Variants in WNT5A observed in about 807,000 individuals in gnomAD.
WNT5A encodes protein Wnt-5a.
A neutral mutation model predicts 42.1 loss-of-function variants in WNT5A; 9 were observed. The observed-to-expected ratio is 0.21, with a 90% CI of 0.13 to 0.37. The LOEUF (loss-of-function observed/expected upper bound fraction) is 0.37. Ranked by LOEUF, WNT5A falls within the 10% of genes least tolerant of loss-of-function variation. The pLI, the probability that WNT5A is intolerant of heterozygous loss-of-function variation, is 1.00. For synonymous variants in WNT5A, 210 were observed against 210.0 expected (o/e 1.00, Z 0.00); for missense variants, 426 against 534.0 (o/e 0.80, Z 1.99).
chr3:55,472,815 G>T (rs1229838422), intron 4 of WNT5A, among the ~76,000 whole-genome samples: 10 of 152,212 alleles, frequency 6.6e-5, no homozygotes, highest in Non-Finnish European at 1.5e-4. Flanking sequence ...TGTTTTAGAA[G>T]TTATCATCTA....
At chr3:55,482,119 C>T (rs1463432480) in intron 1 of WNT5A, among the ~76,000 whole-genome samples, 1 of 152,324 alleles carries the variant, frequency 6.6e-6, no homozygotes, top group East Asian at 1.9e-4. Flanking sequence ...GGGGCGAGGC[C>T]AGAGCCCTTG....
chr3:55,475,623 C>A (rs1471846811), intron 3 of WNT5A, among the ~76,000 whole-genome samples: 1 of 152,122 alleles, frequency 6.6e-6, no homozygotes, highest in Admixed American at 6.5e-5. Flanking sequence ...TCTGCAGACA[C>A]CCCCTGCCCA....
upstream of WNT5A, among the ~76,000 whole-genome samples, chr3:55,494,629 C>T (rs1001254562): frequency 6.6e-6 from 1 of 152,180 alleles, no homozygotes; most frequent in Non-Finnish European, 1.5e-5. Flanking sequence ...ACCTCTGCCC[C>T]CCAGGTTCAA....
rs568443423 is a variant in WNT5A at position 55,468,040 on chromosome 3, G to A, written c.*2052C>T. 6.6e-6 allele frequency: 1 copy of A among 151,968 alleles called. No individual in the cohort carries two copies. Among genetic ancestry groups the A allele is most frequent in the Non-Finnish European group, 1.5e-5 (1 of 68,006 alleles). 9.4% of individuals were successfully genotyped at this position (151,968 alleles called of 1,614,324 possible). On this transcript the variant is annotated 3_prime_UTR_variant, in exon 5 of 5. Transcript: ENST00000264634. ...GATATGAAAGCCAACCTGCCTAAGG[G>A]GGGTATGAAAGATGTGTATCTTTCC... is the stretch of plus-strand genomic sequence containing the variant.
At chr3:55,476,602 C>A (rs1330866055) in intron 3 of WNT5A, among the ~76,000 whole-genome samples, 1 of 152,322 alleles carries the variant, frequency 6.6e-6, no homozygotes, top group East Asian at 1.9e-4. Context: ...TTATACAAAA[C>A]ACAAACAATG....
chr3:55,490,421 G>C (rs910487187), upstream of WNT5A: 1 of 152,188 alleles, frequency 6.6e-6, no homozygotes, highest in Non-Finnish European at 1.5e-5. Flanking sequence ...GTGGAATCTG[G>C]AGTTCCAGTC....
At chr3:55,480,421 C>A (rs1252505445) in intron 2 of WNT5A, among the ~76,000 whole-genome samples, 2 of 152,194 alleles carry the variant, frequency 1.3e-5, no homozygotes, top group African/African-American at 2.4e-5. Flanking sequence ...GGCTGAAACT[C>A]ACTTTTACTA....
chr3:55,485,583 C>A lies in WNT5A; in HGVS notation c.6+1397G>T, dbSNP rs547069168. ...CCCGCGGTTCGCTGCGCACTCTCCG[C>A]ATTGCCCCCTCGAAACTCCCCTGGC... On this transcript the variant is annotated intron_variant, in intron 1 of 4. Transcript: ENST00000264634. Among the ~76,000 whole-genome samples, 16 of 152,298 alleles carry A rather than the reference C, an allele frequency of 1.1e-4. No homozygotes were observed. In the East Asian group the frequency reaches 2.3e-3, roughly 22 times the overall value.
Position 55,483,036 on chromosome 3 carries a change from G to A in WNT5A, c.7-2118C>T, listed in dbSNP as rs535409312. Among the ~76,000 whole-genome samples, 1 of 152,342 alleles carries A rather than the reference G, an allele frequency of 6.6e-6. No homozygotes were observed. The highest frequency in any genetic ancestry group is 6.5e-5 in the Admixed American group (1 of 15,310). On this transcript the variant is annotated intron_variant, in intron 1 of 4. Transcript: ENST00000264634. The surrounding 1 kb of genome is among the most constrained non-coding windows in gnomAD (Gnocchi z 4.2). ...TCGCGGCGAGCGGGGCGCGTGGGGC[G>A]GGGCTCAAGCAGCAGAGAAATTGAT...
At chr3:55,495,325 C>T (rs2051704572), upstream of WNT5A, among the ~76,000 whole-genome samples, 1 of 152,172 alleles carries the variant, frequency 6.6e-6, no homozygotes. Context: ...CATCATTTGA[C>T]CAACATCTCC....
chr3:55,473,028 G>T (rs2051281577), intron 4 of WNT5A, among the ~76,000 whole-genome samples: 1 of 151,894 alleles, frequency 6.6e-6, no homozygotes, highest in Non-Finnish European at 1.5e-5. Context: ...GAAAACTGAG[G>T]CTCAGAAAAA....
chr3:55,498,374 C>T, the WNT5A span, among the ~76,000 whole-genome samples: 747 of 152,244 alleles, frequency 4.9e-3, 2 homozygotes, highest in Non-Finnish European at 7.7e-3. Flanking sequence ...AAATGAGCCG[C>T]GGCTCCCGCT....
Position 55,480,938 on chromosome 3 carries a change from G to A in WNT5A, c.7-20C>T. ...GGACTTCTGGAGAGGGAAGAAAGGA[G>A]CAGATGTTTATTGCCTCTCAGATAA... On this transcript the variant is annotated intron_variant, in intron 1 of 4. Transcript: ENST00000264634. 2.0e-6 allele frequency: 3 copies of A among 1,487,136 alleles called. No individual in the cohort carries two copies. Among genetic ancestry groups the A allele is most frequent in the Non-Finnish European group, 2.7e-6 (3 of 1,114,070 alleles). 92.1% of individuals were successfully genotyped at this position (1,487,136 alleles called of 1,614,324 possible).
chr3:55,486,312 G>A (rs1373395349), intron 1 of WNT5A, among the ~76,000 whole-genome samples: 2 of 152,188 alleles, frequency 1.3e-5, no homozygotes, highest in Non-Finnish European at 2.9e-5. Context: ...TCACCCAGTG[G>A]CGGCTAATAA....
chr3:55,480,705 A>G, intron 2 of WNT5A, 80 bp downstream of exon 2: 2 of 1,411,362 alleles, frequency 1.4e-6, no homozygotes, highest in South Asian at 3.3e-5. Context: ...ACTATCCAGC[A>G]TTAAATATTG....
At position 55,480,906 on chromosome 3, in the gene WNT5A, T is replaced by G. The variant is rs183555808; in HGVS notation, c.19A>C (p.Ile7Leu). The G allele has an allele frequency of 6.4e-7, 1 of 1,562,580 alleles. No individual in the cohort carries two copies. Among genetic ancestry groups the G allele is most frequent in the African/African-American group, 1.4e-5 (1 of 73,062 alleles). MKKSIG[I>L]LSPGVALGMA... ...CCCAAAGCAACTCCTGGGCTTAATA[T>G]TCCAATGGACTTCTGGAGAGGGAAG... Residue 7 changes from isoleucine to leucine, a missense_variant, in exon 2 of 5, where the codon ATA becomes CTA. Physicochemically the swap from Ile to Leu is conservative, Grantham distance 5. Transcript: ENST00000264634.
At chr3:55,481,495 CGAGGCCCCGG>C (rs2051463046) in intron 1 of WNT5A, 1 of 617,248 alleles carries the variant, frequency 1.6e-6, no homozygotes, top group African/African-American at 2.0e-5. Context: ...GGGTGGGGGG[CGAGGCCCCGG>C]GGACCAGCGC....
the WNT5A span, among the ~76,000 whole-genome samples, chr3:55,502,681 A>G: frequency 6.6e-6 from 1 of 152,248 alleles, no homozygotes; most frequent in Non-Finnish European, 1.5e-5. Flanking sequence ...CAGCATGGCA[A>G]AGAATCATGC....
At position 55,468,646 on chromosome 3, in the gene WNT5A, A is replaced by T. The variant is rs886058742; in HGVS notation, c.*1446T>A. ...GATATATTTATATTTATATTTATAT[A>T]TATGTATATATATATATATGTTATG... On this transcript the variant is annotated 3_prime_UTR_variant, in exon 5 of 5. Transcript: ENST00000264634. 1.8e-4 allele frequency: 27 copies of T among 149,180 alleles called. No individual in the cohort carries two copies. The highest frequency in any genetic ancestry group is 2.7e-4 in the Admixed American group (4 of 14,928). 9.2% of individuals were successfully genotyped at this position (149,180 alleles called of 1,614,324 possible). A position where few individuals can be genotyped will look rare whatever the true frequency, so the allele number is the denominator to read the frequency against.
Sources: gnomAD v4.1 joint callset for allele counts (sites outside exome capture counted in the v4.1 genomes callset) on GRCh38, gnomAD v4.1.1 for gene constraint, Gnocchi (gnomAD v3.1) non-coding constraint, MANE v1.5 for transcripts, NCBI Gene and HGNC (gene_info 2026-07-23, HGNC 2026-07-21) for gene names.